ZNF521: variants seen among roughly 807,000 people sequenced by gnomAD.
ZNF521 encodes LYST-interacting protein 3.
Under a neutral mutation model 105.5 loss-of-function variants are expected in ZNF521, and 14 were observed. That is an observed-to-expected ratio of 0.13 (90% CI 0.09 to 0.21). ZNF521 has a LOEUF of 0.21. Ranked by LOEUF, ZNF521 falls within the 10% of genes least tolerant of loss-of-function variation. The pLI is 1.00. For missense variants in ZNF521, 1,233 were observed against 1,629.7 expected (o/e 0.76, Z 4.19); for synonymous variants, 635 against 606.0 (o/e 1.05, Z -0.70).
chr18:25,237,747 T>G (rs1259210876), intron 3 of ZNF521, among the ~76,000 whole-genome samples: 1 of 152,198 alleles, frequency 6.6e-6, no homozygotes, highest in Non-Finnish European at 1.5e-5. Flanking sequence ...TTACAAAGCT[T>G]CCTCCCACAT....
At chr18:25,148,893 A>G (rs915814444) in intron 5 of ZNF521, among the ~76,000 whole-genome samples, 1 of 152,246 alleles carries the variant, frequency 6.6e-6, no homozygotes, top group East Asian at 1.9e-4. Flanking sequence ...TGCTATAAAT[A>G]TAGCAACCAA....
At chr18:25,278,280 TTG>T (rs1910158612) in intron 3 of ZNF521, among the ~76,000 whole-genome samples, 1 of 152,190 alleles carries the variant, frequency 6.6e-6, no homozygotes, top group South Asian at 2.1e-4. Context: ...CTGTGATTTT[TTG>T]TGTTACTTAC....
chr18:25,214,699 T>C (rs1481354755), intron 4 of ZNF521, among the ~76,000 whole-genome samples: 1 of 152,212 alleles, frequency 6.6e-6, no homozygotes, highest in Non-Finnish European at 1.5e-5. Context: ...ATTTATAAAT[T>C]ACTTGTATTA....
chr18:25,139,264 G>A (rs2034796946), intron 5 of ZNF521, among the ~76,000 whole-genome samples: 1 of 150,248 alleles, frequency 6.7e-6, no homozygotes, highest in Admixed American at 6.7e-5. Context: ...CAGCTACTCG[G>A]GAGGCTAAAG....
intron 3 of ZNF521, among the ~76,000 whole-genome samples, chr18:25,270,734 T>G (rs1352281524): frequency 6.6e-6 from 1 of 152,206 alleles, no homozygotes; most frequent in Non-Finnish European, 1.5e-5. Context: ...CAGCCCTTCA[T>G]GTTAAAAACT....
intron 5 of ZNF521, among the ~76,000 whole-genome samples, chr18:25,120,623 A>G (rs371589560): frequency 0.016 from 2,403 of 151,524 alleles, 66 homozygotes; most frequent in African/African-American, 0.053. Context: ...ACAAACAAAC[A>G]AACAAAAAAA....
At chr18:25,259,171 C>G (rs1051703589) in intron 3 of ZNF521, among the ~76,000 whole-genome samples, 1 of 152,122 alleles carries the variant, frequency 6.6e-6, no homozygotes, top group African/African-American at 2.4e-5. Context: ...GAAAGCTAGT[C>G]TTTTTGTTTT....
chr18:25,289,224 G>A (rs1036818629), intron 3 of ZNF521, among the ~76,000 whole-genome samples: 7 of 152,108 alleles, frequency 4.6e-5, no homozygotes, highest in Admixed American at 2.0e-4. Flanking sequence ...ACTGGACTTC[G>A]GTTATGAATC....
chr18:25,178,131 T>C (rs1053033703), intron 5 of ZNF521, among the ~76,000 whole-genome samples: 2 of 152,226 alleles, frequency 1.3e-5, no homozygotes, highest in Non-Finnish European at 2.9e-5. Flanking sequence ...GCATATAGTA[T>C]GTCAATTCCT....
intron 3 of ZNF521, among the ~76,000 whole-genome samples, chr18:25,239,317 T>G (rs180975852): frequency 5.5e-4 from 84 of 152,312 alleles, no homozygotes; most frequent in Non-Finnish European, 7.9e-4. Context: ...GTTATACAGT[T>G]CCAAGTACAT....
Position 25,257,507 on chromosome 18 carries a change from A to G in ZNF521, c.221-29810T>C, listed in dbSNP as rs536867398. Among the ~76,000 whole-genome samples, 3 of 152,246 alleles carry G rather than the reference A, an allele frequency of 2.0e-5. No homozygotes were observed. The South Asian group carries it at 6.2e-4, about 32-fold the overall frequency. On this transcript the variant is annotated intron_variant, in intron 3 of 7. Transcript: ENST00000361524. ...GGACTAGATTTCTATACTGTTTCCTATCCATGCAGTTCTAATATTCTATGA... is the reference window on the plus strand; with the variant it reads ...GGACTAGATTTCTATACTGTTTCCTGTCCATGCAGTTCTAATATTCTATGA...
At chr18:25,254,552 C>A (rs1908344554) in intron 3 of ZNF521, among the ~76,000 whole-genome samples, 1 of 152,076 alleles carries the variant, frequency 6.6e-6, no homozygotes, top group Non-Finnish European at 1.5e-5. Context: ...TTACAAAGTC[C>A]TTCTCCCTGG....
In ZNF521 at chr18:25,081,310, G is replaced by A. The variant is rs933146177; in HGVS notation, c.3906+8155C>T. 5.9e-5 allele frequency among the ~76,000 whole-genome samples: 9 copies of A among 152,178 alleles called. 1 individual carries two copies. The highest frequency in any genetic ancestry group is 2.6e-4 in the Admixed American group (4 of 15,286). Reference sequence around the variant, plus strand: ...CAACAGGGCTGTTGGAGGAGGGAGCGAGTCCTAGAATGAAGAGGTGGTGCT... The same window carrying A: ...CAACAGGGCTGTTGGAGGAGGGAGCAAGTCCTAGAATGAAGAGGTGGTGCT... On this transcript the variant is annotated intron_variant, in intron 7 of 7. Transcript: ENST00000361524.
chr18:25,194,337 T>C (rs533086165), intron 5 of ZNF521, among the ~76,000 whole-genome samples: 2 of 151,802 alleles, frequency 1.3e-5, no homozygotes, highest in African/African-American at 2.4e-5. Flanking sequence ...GTAATAGCAA[T>C]TGTCATTGTA....
chr18:25,327,450 TA>T, intron 2 of ZNF521: 2 of 1,172,874 alleles, frequency 1.7e-6, no homozygotes, highest in Non-Finnish European at 2.1e-6. Context: ...GTCCCACACC[TA>T]AAAAGAAAAT....
chr18:25,163,039 G>T (rs1000693482), intron 5 of ZNF521, among the ~76,000 whole-genome samples: 1 of 152,038 alleles, frequency 6.6e-6, no homozygotes, highest in African/African-American at 2.4e-5. Flanking sequence ...TTCATTTGCA[G>T]AGATGCAGGC....
chr18:25,285,103 C>A (rs1242530684), intron 3 of ZNF521, among the ~76,000 whole-genome samples: 1 of 151,464 alleles, frequency 6.6e-6, no homozygotes, highest in Non-Finnish European at 1.5e-5. Context: ...CTCTCAAATT[C>A]TTTTATTTCA....
intron 4 of ZNF521, among the ~76,000 whole-genome samples, chr18:25,216,849 C>T (rs962236324): frequency 2.6e-5 from 4 of 152,152 alleles, no homozygotes; most frequent in African/African-American, 9.7e-5. Context: ...AGGCATCATG[C>T]CCGGCCGAGT....
At chr18:25,098,880 G>A (rs984638178) in intron 5 of ZNF521, among the ~76,000 whole-genome samples, 29 of 152,124 alleles carry the variant, frequency 1.9e-4, no homozygotes, top group Non-Finnish European at 3.5e-4. Context: ...TTGTGAGCAC[G>A]CAAATACAAG....
Sources: gnomAD v4.1 joint callset for allele counts (sites outside exome capture counted in the v4.1 genomes callset) on GRCh38, gnomAD v4.1.1 for gene constraint, MANE v1.5 for transcripts, NCBI Gene and HGNC (gene_info 2026-07-23, HGNC 2026-07-21) for gene names.